The following PRSS23 variants were observed in gnomAD, a reference collection of about 807,000 sequenced individuals.
PRSS23 encodes the protein serine protease 23, also known as protease, serine 23.
PRSS23 carries 25 observed loss-of-function variants against 34.7 expected under a neutral mutation model. The ratio of observed to expected loss-of-function variants is 0.72; its 90% CI spans 0.53 to 1.01. PRSS23 has a LOEUF of 1.01. PRSS23 is among the 50% of genes least tolerant of loss of function. PRSS23 has a pLI of 0.00. For missense variants in PRSS23, 445 were observed against 475.6 expected (o/e 0.94, Z 0.60); for synonymous variants, 176 against 186.6 (o/e 0.94, Z 0.46).
intron 2 of PRSS23, among the ~76,000 whole-genome samples, chr11:86,865,994 G>A (rs965800489): frequency 1.3e-5 from 2 of 152,186 alleles, no homozygotes; most frequent in African/African-American, 4.8e-5. Flanking sequence ...GGGGATGTCT[G>A]GGAGTCACGC....
chr11:86,895,721 C>G (rs371693201), intron 2 of PRSS23, among the ~76,000 whole-genome samples: 1 of 152,116 alleles, frequency 6.6e-6, no homozygotes, highest in Non-Finnish European at 1.5e-5. Context: ...CTCAAGTGAT[C>G]GGCCCACTTT....
intron 2 of PRSS23, among the ~76,000 whole-genome samples, chr11:86,927,205 A>G (rs1949087219): frequency 6.6e-6 from 1 of 152,208 alleles, no homozygotes; most frequent in Non-Finnish European, 1.5e-5. Context: ...GAAAGAATCA[A>G]GGGCTAAGCA....
chr11:86,830,993 A>G (rs1015351067), intron 2 of PRSS23, among the ~76,000 whole-genome samples: 2 of 152,112 alleles, frequency 1.3e-5, no homozygotes, highest in Non-Finnish European at 2.9e-5. Flanking sequence ...CTAATGTCAC[A>G]GGCGTGTACA....
rs181549170 is a variant in PRSS23, at chr11:86,926,435, A to C, written c.207-24781A>C. Among the ~76,000 whole-genome samples the C allele has an allele frequency of 3.3e-5, 5 of 152,312 alleles. 1 individual carries two copies. The East Asian group carries it at 9.6e-4, about 29-fold the overall frequency. ...AAAAGTGTGACTTAGAGTCCTAATAAAAGATTTTTGGTTACCAGTTGCAAG... is the reference window on the plus strand; with the variant it reads ...AAAAGTGTGACTTAGAGTCCTAATACAAGATTTTTGGTTACCAGTTGCAAG... On this transcript the variant is annotated intron_variant, in intron 2 of 2. Coordinates refer to the PRSS23 transcript ENST00000533902.
At chr11:86,806,971 T>C (rs1948108389) in intron 1 of PRSS23, among the ~76,000 whole-genome samples, 1 of 152,174 alleles carries the variant, frequency 6.6e-6, no homozygotes, top group African/African-American at 2.4e-5. Context: ...ACTCTGGAAC[T>C]CAATATATAT....
intron 2 of PRSS23, among the ~76,000 whole-genome samples, chr11:86,833,700 G>A (rs139626691): frequency 6.6e-6 from 1 of 152,064 alleles, no homozygotes; most frequent in South Asian, 2.1e-4. Context: ...TATTGGTCGG[G>A]CGTGAGCTAA....
chr11:86,931,454 T>C (rs544276277), intron 2 of PRSS23, among the ~76,000 whole-genome samples: 92 of 152,162 alleles, frequency 6.0e-4, no homozygotes, highest in Admixed American at 1.7e-3. Context: ...GAATGAGTCT[T>C]AAATCCATGA....
At chr11:86,904,658 C>T (rs1404853988) in intron 2 of PRSS23, among the ~76,000 whole-genome samples, 4 of 152,266 alleles carry the variant, frequency 2.6e-5, no homozygotes, top group African/African-American at 9.6e-5. Context: ...GGCCGGATAG[C>T]CTCTGTCACA....
chr11:86,833,467 G>A (rs1261221152), intron 2 of PRSS23: 5 of 429,560 alleles, frequency 1.2e-5, no homozygotes, highest in South Asian at 4.2e-5. Context: ...TGTATAGTTC[G>A]GACATGTATA....
intron 2 of PRSS23, among the ~76,000 whole-genome samples, chr11:86,886,852 T>G (rs1948805768): frequency 6.6e-6 from 1 of 152,058 alleles, no homozygotes; most frequent in Non-Finnish European, 1.5e-5. Context: ...GGCAGGAGAA[T>G]TGCTTGAACC....
chr11:86,884,103 A>C (rs972771146), intron 2 of PRSS23, among the ~76,000 whole-genome samples: 1 of 152,150 alleles, frequency 6.6e-6, no homozygotes, highest in South Asian at 2.1e-4. Flanking sequence ...ATCTAGTCTT[A>C]TTGCCTCTCC....
upstream of PRSS23, chr11:86,800,323 C>G: frequency 2.2e-6 from 1 of 462,162 alleles, no homozygotes; most frequent in Non-Finnish European, 2.8e-6. Flanking sequence ...GCCGCGCCAC[C>G]GGGGCCCACC....
chr11:86,941,854 T>A lies in PRSS23; in HGVS notation c.207-9362T>A, dbSNP rs559645393. ...GTTGTCACCTTTGGTTTCCTTCCTA[T>A]GGTGGCCATGTTTGTCATCAAAGCC... is the stretch of plus-strand genomic sequence containing the variant. On this transcript the variant is annotated intron_variant, in intron 2 of 2. Coordinates refer to the PRSS23 transcript ENST00000533902. Among the ~76,000 whole-genome samples the A allele has an allele frequency of 2.6e-5, 4 of 152,298 alleles. No homozygotes were observed. The East Asian group carries it at 7.7e-4, about 29-fold the overall frequency.
chr11:86,828,364 C>G (rs1200636639), intron 2 of PRSS23, among the ~76,000 whole-genome samples: 1 of 152,138 alleles, frequency 6.6e-6, no homozygotes, highest in Admixed American at 6.6e-5. Flanking sequence ...TTCCTCCATC[C>G]TTTTATTTTG....
At chr11:86,867,648 G>A (rs1308509057) in intron 2 of PRSS23, among the ~76,000 whole-genome samples, 1 of 152,158 alleles carries the variant, frequency 6.6e-6, no homozygotes, top group Non-Finnish European at 1.5e-5. Flanking sequence ...GAGAGGCCAA[G>A]GCTGGAGAAT....
At chr11:86,832,215 G>T (rs753809240) in intron 2 of PRSS23, among the ~76,000 whole-genome samples, 3 of 152,078 alleles carry the variant, frequency 2.0e-5, no homozygotes, top group Non-Finnish European at 4.4e-5. Context: ...TAATATCACA[G>T]TGGGTGTACC....
chr11:86,814,643 C>T (rs570583008), downstream of PRSS23, among the ~76,000 whole-genome samples: 1 of 152,310 alleles, frequency 6.6e-6, no homozygotes, highest in South Asian at 2.1e-4. Flanking sequence ...CAAGCAGAAC[C>T]TTGCCTTGTG....
At chr11:86,856,549 A>G (rs1325248010) in intron 2 of PRSS23, among the ~76,000 whole-genome samples, 3 of 152,204 alleles carry the variant, frequency 2.0e-5, no homozygotes, top group Admixed American at 6.5e-5. Flanking sequence ...AAGGATGTGA[A>G]TTTGATGTAC....
chr11:86,863,087 T>C (rs955495884), intron 2 of PRSS23, among the ~76,000 whole-genome samples: 4 of 152,148 alleles, frequency 2.6e-5, no homozygotes, highest in African/African-American at 9.7e-5. Context: ...CTATTACTCC[T>C]AATATCACAG....
Sources: allele counts gnomAD v4.1 joint callset (sites outside exome capture counted in the v4.1 genomes callset), GRCh38; gene constraint gnomAD v4.1.1; transcripts MANE v1.5; gene names NCBI Gene and HGNC (gene_info 2026-07-23, HGNC 2026-07-21).